The following GATAD2A variants were observed in gnomAD, a reference collection of about 807,000 sequenced individuals.
GATAD2A encodes the protein GATA zinc finger domain containing 2A, also known as transcriptional repressor p66-alpha.
GATAD2A carries 12 observed loss-of-function variants against 68.5 expected under a neutral mutation model. The ratio of observed to expected loss-of-function variants is 0.18; its 90% CI spans 0.11 to 0.28. GATAD2A has a LOEUF of 0.28. Among genes scored for constraint, GATAD2A ranks in the 10% least tolerant of loss-of-function variants. The pLI is 1.00. For synonymous variants in GATAD2A, 410 were observed against 375.3 expected (o/e 1.09, Z -1.07); for missense variants, 755 against 868.5 (o/e 0.87, Z 1.64).
chr19:19,474,309 CG>C, intron 2 of GATAD2A: 4 of 245,504 alleles, frequency 1.6e-5, no homozygotes, highest in Non-Finnish European at 2.6e-5. Context: ...TTCTGACTCA[CG>C]TGTGCACCTG....
At chr19:19,497,619 G>C (rs1023792354) in intron 7 of GATAD2A, among the ~76,000 whole-genome samples, 4 of 152,160 alleles carry the variant, frequency 2.6e-5, no homozygotes, top group Non-Finnish European at 4.4e-5. Flanking sequence ...ACCTTTCTTG[G>C]GGGGTGGGAC....
intron 1 of GATAD2A, among the ~76,000 whole-genome samples, chr19:19,431,009 G>GTGTGTGTGTA (rs2053679605): frequency 2.7e-5 from 4 of 148,692 alleles, no homozygotes; most frequent in African/African-American, 9.7e-5. Flanking sequence ...GTGTGTGTGT[G>GTGTGTGTGTA]TGTGTGTGTA....
intron 1 of GATAD2A, among the ~76,000 whole-genome samples, chr19:19,451,777 T>C (rs2056411728): frequency 6.6e-6 from 1 of 152,242 alleles, no homozygotes; most frequent in Non-Finnish European, 1.5e-5. Flanking sequence ...GATCAGTAGC[T>C]GTGTGGACGC....
In GATAD2A at chr19:19,387,110, A is replaced by C. The variant is rs369601661; in HGVS notation, c.-7+972A>C. ...CTGGCCTCTCTAAGACCCTATCCTC[A>C]CTCCTCTAAGGAGAGACCCCTGATT... On this transcript the variant is annotated intron_variant, in intron 1 of 11. Coordinates refer to the GATAD2A transcript ENST00000360315. Among the ~76,000 whole-genome samples the C allele has an allele frequency of 1.4e-4, 21 of 149,120 alleles. 2 individuals carry two copies. The South Asian group carries it at 4.3e-3, about 30-fold the overall frequency.
At chr19:19,494,773 C>G (rs1460422964) in intron 5 of GATAD2A, among the ~76,000 whole-genome samples, 1 of 152,214 alleles carries the variant, frequency 6.6e-6, no homozygotes, top group Non-Finnish European at 1.5e-5. Context: ...AAGAGGCCCT[C>G]CTGCCCCTCC....
At chr19:19,469,607 T>G (rs2148072325) in intron 2 of GATAD2A, among the ~76,000 whole-genome samples, 1 of 148,316 alleles carries the variant, frequency 6.7e-6, no homozygotes, top group Middle Eastern at 3.4e-3. Flanking sequence ...CTGTGAAGGA[T>G]CTAAATACCT....
rs142502253 is a variant in GATAD2A at position 19,471,469 on chromosome 19, A to T, written c.269+5855A>T. Reference sequence around the variant, plus strand: ...ACAGGGCATGTCCCCCCAAAAAGCAAATTTATTTGAGAGATGGAAAGTGAC... The same window carrying T: ...ACAGGGCATGTCCCCCCAAAAAGCATATTTATTTGAGAGATGGAAAGTGAC... On this transcript the variant is annotated intron_variant, in intron 2 of 11. Transcript: ENST00000683918. Among the ~76,000 whole-genome samples the T allele has an allele frequency of 2.4e-3, 364 of 152,062 alleles. 2 individuals carry two copies. Among genetic ancestry groups the T allele is most frequent in the Admixed American group, 4.3e-3 (66 of 15,282 alleles).
chr19:19,395,506 C>T (rs965152870), intron 1 of GATAD2A, among the ~76,000 whole-genome samples: 27 of 152,206 alleles, frequency 1.8e-4, no homozygotes, highest in African/African-American at 5.5e-4. Context: ...CTTGGTAAGC[C>T]GCTTTGTCAG....
At chr19:19,461,061 C>G (rs2057387888) in intron 1 of GATAD2A, among the ~76,000 whole-genome samples, 1 of 152,176 alleles carries the variant, frequency 6.6e-6, no homozygotes, top group Admixed American at 6.5e-5. Context: ...TTCCCTCTGT[C>G]TTGTTCACCA....
chr19:19,485,230 A>G (rs1293550890), intron 2 of GATAD2A, among the ~76,000 whole-genome samples: 1 of 152,136 alleles, frequency 6.6e-6, no homozygotes, highest in African/African-American at 2.4e-5. Context: ...AGTTACAGTG[A>G]TATGGGTTAG....
chr19:19,492,889 G>C (rs866798751), intron 4 of GATAD2A, among the ~76,000 whole-genome samples, 177 bp downstream of exon 4: 7 of 151,030 alleles, frequency 4.6e-5, no homozygotes, highest in Non-Finnish European at 1.0e-4. Flanking sequence ...CTTACAAGAT[G>C]TTAAAGTGAA....
chr19:19,475,050 C>T (rs2058576892), intron 2 of GATAD2A, among the ~76,000 whole-genome samples: 2 of 152,230 alleles, frequency 1.3e-5, no homozygotes, highest in African/African-American at 4.8e-5. Flanking sequence ...CCCCTATCAT[C>T]GTTGTGTTGG....
intron 1 of GATAD2A, among the ~76,000 whole-genome samples, chr19:19,387,053 C>T (rs2048486523): frequency 6.6e-6 from 1 of 152,178 alleles, no homozygotes; most frequent in Non-Finnish European, 1.5e-5. Flanking sequence ...CCCTCTGCCT[C>T]TCTGAGGGTC....
intron 11 of GATAD2A, 78 bp downstream of exon 11, chr19:19,502,604 A>G: frequency 1.7e-6 from 2 of 1,166,232 alleles, no homozygotes; most frequent in Non-Finnish European, 2.4e-6. Flanking sequence ...ACAGAGGCAC[A>G]TGTGCAGCGG....
chr19:19,502,045 T>A lies in GATAD2A; in HGVS notation c.1578+2T>A. 1 of 1,611,830 alleles carries A rather than the reference T, an allele frequency of 6.2e-7. No homozygotes were observed. The highest frequency in any genetic ancestry group is 1.7e-4 in the Middle Eastern group (1 of 6,058). On this transcript the variant is annotated splice_donor_variant, in intron 10 of 11. Transcript: ENST00000683918. LOFTEE classifies it high-confidence loss of function. ...TGGAGTAACGGGGCTGTGCTACAGG[T>A]CAGAACCGCACTGGGCGCCGGGAGC...
At chr19:19,394,806 G>A (rs2049105367) in intron 1 of GATAD2A, among the ~76,000 whole-genome samples, 1 of 152,210 alleles carries the variant, frequency 6.6e-6, no homozygotes, top group South Asian at 2.1e-4. Flanking sequence ...GTTGGGCAAG[G>A]CTGGAAGTCT....
chr19:19,505,357 G>T lies in GATAD2A; in HGVS notation c.1788G>T (p.Ala596=). Reference sequence around the variant, plus strand: ...GTTCTGTTGCAGGCGGGACCCTTGCGTTTGTCAGCCCAAGCCTGGCGGTGC... The same window carrying T: ...GTTCTGTTGCAGGCGGGACCCTTGCTTTTGTCAGCCCAAGCCTGGCGGTGC... ...KTPLSTGGTL[A]FVSPSLAVHK... Residue 596 remains alanine, a synonymous_variant, in exon 12 of 12, where the codon GCG becomes GCT. Transcript: ENST00000683918. 6.2e-7 allele frequency: 1 copy of T among 1,613,262 alleles called. No individual in the cohort carries two copies. Among genetic ancestry groups the T allele is most frequent in the South Asian group, 1.1e-5 (1 of 90,978 alleles).
At chr19:19,387,354 C>T (rs2048514443) in intron 1 of GATAD2A, among the ~76,000 whole-genome samples, 1 of 147,200 alleles carries the variant, frequency 6.8e-6, no homozygotes, top group South Asian at 2.2e-4. Flanking sequence ...GAGTCTCATT[C>T]CGTCTCCCAG....
chr19:19,433,365 G>A (rs2053957795), intron 1 of GATAD2A, among the ~76,000 whole-genome samples: 2 of 152,134 alleles, frequency 1.3e-5, no homozygotes, highest in Admixed American at 1.3e-4. Context: ...AAAATCAGTT[G>A]TGGTAAGTCC....
Sources: gnomAD v4.1 joint callset for allele counts (sites outside exome capture counted in the v4.1 genomes callset) on GRCh38, gnomAD v4.1.1 for gene constraint, MANE v1.5 for transcripts, NCBI Gene and HGNC (gene_info 2026-07-23, HGNC 2026-07-21) for gene names.